SGO1: variants seen among roughly 807,000 people sequenced by gnomAD.
SGO1 encodes shugoshin 1.
A neutral mutation model predicts 50.5 loss-of-function variants in SGO1; 39 were observed. The ratio of observed to expected loss-of-function variants is 0.77; its 90% CI spans 0.60 to 1.01. The LOEUF is 1.01. Among genes scored for constraint, SGO1 ranks in the 50% least tolerant of loss-of-function variants. SGO1 has a pLI of 0.00. For missense variants in SGO1, 638 were observed against 606.0 expected (o/e 1.05, Z -0.55); for synonymous variants, 191 against 205.1 (o/e 0.93, Z 0.59).
At chr3:20,173,190 G>A (rs1004974219) in intron 6 of SGO1, among the ~76,000 whole-genome samples, 3 of 151,372 alleles carry the variant, frequency 2.0e-5, no homozygotes, top group African/African-American at 7.3e-5. Flanking sequence ...GGAGCGCAAT[G>A]GCATGGTCTC....
chr3:20,176,116 G>A (rs1336231270), intron 5 of SGO1, among the ~76,000 whole-genome samples: 1 of 152,194 alleles, frequency 6.6e-6, no homozygotes, highest in African/African-American at 2.4e-5. Context: ...CTTGGTTCAA[G>A]TGGAGGAGAT....
chr3:20,170,399 CAAAAA>C lies in SGO1; in HGVS notation c.*300_*304del. On this transcript the variant is annotated 3_prime_UTR_variant, in exon 8 of 8. Coordinates refer to ENST00000412997, the MANE Select transcript of SGO1 (RefSeq NM_001199251.3). ...GGCAACAAGAATGAAATTCCGCCTC[CAAAAA>C]AAAAAAAAGATATATTTCGACTAAA... The C allele has an allele frequency of 1.4e-6, 1 of 735,340 alleles. No individual in the cohort carries two copies. Among genetic ancestry groups the C allele is most frequent in the African/African-American group, 2.7e-5 (1 of 36,514 alleles). The allele number at this position is 735,340 out of a possible 1,614,324, so 45.6% of individuals were successfully genotyped here.
intron 7 of SGO1, 40 bp downstream of exon 7, chr3:20,171,003 T>C (rs201286577): frequency 6.1e-5 from 94 of 1,535,524 alleles, no homozygotes; most frequent in East Asian, 9.3e-5. Flanking sequence ...CCCCCCGACA[T>C]GTATCATTAA....
chr3:20,161,359 C>T (rs1700030317), intron 8 of SGO1: 1 of 1,335,656 alleles, frequency 7.5e-7, no homozygotes, highest in Non-Finnish European at 9.8e-7. Flanking sequence ...TGTGAGCAAA[C>T]AATCAAAAGT....
At chr3:20,181,370 A>C (rs1001134151) in intron 3 of SGO1, among the ~76,000 whole-genome samples, 1 of 152,254 alleles carries the variant, frequency 6.6e-6, no homozygotes, top group Non-Finnish European at 1.5e-5. Flanking sequence ...GCTAGGCAAG[A>C]AAACATTCTT....
At position 20,174,417 on chromosome 3, in the gene SGO1, T is replaced by G. The variant is rs1218301075; in HGVS notation, c.1114A>C (p.Ser372Arg). 8 of 1,614,056 alleles carry G rather than the reference T, an allele frequency of 5.0e-6. No individual in the cohort carries two copies. Among genetic ancestry groups the G allele is most frequent in the Middle Eastern group, 1.6e-4 (1 of 6,084 alleles). ...TCATCGGAATCATCTCCTGAACCAC[T>G]TGATTCACAGAGGCTCACTTCAGAC... ...NESEVSLCES[S>R]GSGDDSDDLY... Residue 372 changes from serine (S) to arginine (R), a missense_variant, in exon 6 of 8, where the codon AGT (serine) becomes CGT (arginine). Transcript: ENST00000412997.
In SGO1 at chr3:20,174,544, G is replaced by C. The variant is rs747292509; in HGVS notation, c.987C>G (p.Val329=). The change falls in exon 6 of 8, where the codon GTC becomes GTG. Residue 329 remains valine (V), a synonymous_variant. Coordinates refer to ENST00000412997, the MANE Select transcript of SGO1 (RefSeq NM_001199251.3). ...TAAAATTGTAAGCATCATTGGAACT[G>C]ACAGATTTGTGCATTTTTTTTTGGG... ...TVPQKKMHKS[V]SSNDAYNFNL... 6.8e-6 allele frequency: 11 copies of C among 1,611,654 alleles called. No individual in the cohort carries two copies. Among genetic ancestry groups the C allele is most frequent in the Admixed American group, 1.7e-5 (1 of 59,630 alleles).
At chr3:20,165,961 G>A (rs1700278081), downstream of SGO1, among the ~76,000 whole-genome samples, 3 of 152,160 alleles carry the variant, frequency 2.0e-5, no homozygotes, top group African/African-American at 7.2e-5. Flanking sequence ...GCTGAGACAG[G>A]AGAATCGCTG....
rs767051039 is a variant in SGO1, at chr3:20,186,068, T to A, written c.-128A>T. 6.6e-6 allele frequency: 1 copy of A among 152,574 alleles called. No homozygotes were observed. Among genetic ancestry groups the A allele is most frequent in the Non-Finnish European group, 1.5e-5 (1 of 68,316 alleles). The allele number at this position is 152,574 out of a possible 1,614,324, so 9.5% of individuals were successfully genotyped here. A position where few individuals can be genotyped will look rare whatever the true frequency, so the allele number is the denominator to read the frequency against. On this transcript the variant is annotated 5_prime_UTR_variant, in exon 1 of 8. Transcript: ENST00000412997. Reference sequence around the variant, plus strand: ...GCGTCCAGAACGATACCTTGGCCACTACTTCTGCAACAGCTATCTTCCTCC... The same window carrying A: ...GCGTCCAGAACGATACCTTGGCCACAACTTCTGCAACAGCTATCTTCCTCC...
chr3:20,168,695 T>C (rs1462494892), downstream of SGO1, among the ~76,000 whole-genome samples: 2 of 149,098 alleles, frequency 1.3e-5, no homozygotes, highest in East Asian at 2.0e-4. Flanking sequence ...CAGGCTGGAG[T>C]GCAGTGGCAC....
chr3:20,169,083 G>C (rs887529994), downstream of SGO1: 4 of 985,184 alleles, frequency 4.1e-6, no homozygotes. Context: ...TAGGGTGTAT[G>C]AATCAGTGAT....
rs972797779 is a variant in SGO1 at position 20,169,732 on chromosome 3, A to G, written c.*972T>C. The G allele has an allele frequency of 3.3e-6, 3 of 909,668 alleles. No homozygotes were observed. The highest frequency in any genetic ancestry group is 3.9e-6 in the Non-Finnish European group (3 of 761,142). The allele number at this position is 909,668 out of a possible 1,614,324, so 56.3% of individuals were successfully genotyped here. ...TATGGAGACATCACTCTGAACATAC[A>G]ATTAGAGCTTGGGGTTCACAATTAG... On this transcript the variant is annotated 3_prime_UTR_variant, in exon 8 of 8. Coordinates refer to ENST00000412997, the MANE Select transcript of SGO1 (RefSeq NM_001199251.3).
chr3:20,179,275 T>G (rs1352772448), intron 3 of SGO1, among the ~76,000 whole-genome samples: 1 of 152,208 alleles, frequency 6.6e-6, no homozygotes, highest in Non-Finnish European at 1.5e-5. Flanking sequence ...AGATCCCTTA[T>G]AAATCTTTAA....
At chr3:20,169,264 A>C, downstream of SGO1, 1 of 985,242 alleles carries the variant, frequency 1.0e-6, no homozygotes, top group Non-Finnish European at 1.2e-6. Flanking sequence ...CACAGAGATA[A>C]GTTGGGAGAG....
Position 20,170,423 on chromosome 3 carries a change from G to A in SGO1, c.*281C>T, listed in dbSNP as rs958741711. ...CCAAAAAAAAAAAAAGATATATTTC[G>A]ACTAAAATTAAGAGGTTTAGGCAGC... On this transcript the variant is annotated 3_prime_UTR_variant, in exon 8 of 8. Transcript: ENST00000412997. The A allele has an allele frequency of 7.1e-6, 7 of 982,886 alleles. No homozygotes were observed. The highest frequency in any genetic ancestry group is 8.5e-6 in the Non-Finnish European group (7 of 824,346). 60.9% of individuals were successfully genotyped at this position (982,886 alleles called of 1,614,324 possible). A position where few individuals can be genotyped will look rare whatever the true frequency, so the allele number is the denominator to read the frequency against.
intron 1 of SGO1, among the ~76,000 whole-genome samples, 177 bp downstream of exon 1, chr3:20,185,771 G>A (rs1163200437): frequency 6.6e-6 from 1 of 152,222 alleles, no homozygotes; most frequent in Non-Finnish European, 1.5e-5. Flanking sequence ...ATTTTGCAAA[G>A]TAGGAAATTA....
chr3:20,174,084 C>T (rs1358138961), intron 6 of SGO1, among the ~76,000 whole-genome samples, 165 bp downstream of exon 6: 1 of 152,078 alleles, frequency 6.6e-6, no homozygotes, highest in Non-Finnish European at 1.5e-5. Flanking sequence ...ATTTCCACAC[C>T]CAGCCCCCCA....
downstream of SGO1, among the ~76,000 whole-genome samples, chr3:20,167,357 T>C (rs1252409114): frequency 6.6e-6 from 1 of 152,142 alleles, no homozygotes; most frequent in Non-Finnish European, 1.5e-5. Flanking sequence ...ATACTAATAT[T>C]TAAAACTCCT....
chr3:20,176,506 TA>T (rs1210472338), intron 5 of SGO1, 94 bp downstream of exon 5: 639 of 778,670 alleles, frequency 8.2e-4, no homozygotes, highest in Non-Finnish European at 1.0e-3. Context: ...TTTAAAAAGT[TA>T]AAAAAAAAGA....
Sources: gnomAD v4.1 joint callset for allele counts (sites outside exome capture counted in the v4.1 genomes callset) on GRCh38, gnomAD v4.1.1 for gene constraint, MANE v1.5 for transcripts, NCBI Gene and HGNC (gene_info 2026-07-23, HGNC 2026-07-21) for gene names.